UGGT1: variants seen among roughly 807,000 people sequenced by gnomAD.
The protein encoded by UGGT1 is UDP-glucose:glycoprotein glucosyltransferase 1.
Under a neutral mutation model 203.9 loss-of-function variants are expected in UGGT1, and 107 were observed. The observed-to-expected ratio is 0.52, with a 90% CI of 0.45 to 0.62. The LOEUF (loss-of-function observed/expected upper bound fraction) is 0.62, where lower values mean the gene tolerates loss of function less well. Ranked by LOEUF, UGGT1 falls within the 20% of genes least tolerant of loss-of-function variation. The pLI is 0.00. For missense variants in UGGT1, 1,673 were observed against 1,867.2 expected (o/e 0.90, Z 1.92); for synonymous variants, 628 against 653.5 (o/e 0.96, Z 0.59).
chr2:128,183,095 T>G (rs942924627), intron 37 of UGGT1, among the ~76,000 whole-genome samples: 1 of 152,234 alleles, frequency 6.6e-6, no homozygotes, highest in Admixed American at 6.5e-5. Flanking sequence ...ATTTGTGAGA[T>G]AAATTCCTAG....
At chr2:128,100,018 A>ACCACCCC (rs1687295580) in intron 2 of UGGT1, among the ~76,000 whole-genome samples, 1 of 34,914 alleles carries the variant, frequency 2.9e-5, no homozygotes, top group African/African-American at 1.1e-4. Context: ...GAGATTTACA[A>ACCACCCC]CCCCCCCCCC....
intron 18 of UGGT1, among the ~76,000 whole-genome samples, chr2:128,148,288 C>T (rs1170340310): frequency 3.3e-5 from 5 of 152,178 alleles, no homozygotes; most frequent in Non-Finnish European, 7.3e-5. Context: ...AATTTCAGAA[C>T]ATTGGTCTCG....
At chr2:128,161,041 G>C (rs185142749) in intron 24 of UGGT1, 97 bp from the exon 25 acceptor site, 6 of 1,430,386 alleles carry the variant, frequency 4.2e-6, no homozygotes, top group Admixed American at 4.4e-5. Flanking sequence ...ATGTTCTGGC[G>C]TATGAGGTAG....
At chr2:128,100,580 A>ATTT (rs1264351444) in intron 2 of UGGT1, among the ~76,000 whole-genome samples, 4 of 88,356 alleles carry the variant, frequency 4.5e-5, no homozygotes, top group African/African-American at 1.2e-4. Context: ...CTAATTTTGT[A>ATTT]TTTTTTTTTT....
chr2:128,172,499 C>A, intron 28 of UGGT1, 74 bp from the exon 29 acceptor site: 1 of 1,494,634 alleles, frequency 6.7e-7, no homozygotes, highest in Non-Finnish European at 9.2e-7. Flanking sequence ...CCAGTTGTTA[C>A]CTGTGTAAGG....
chr2:128,178,683 A>T, intron 34 of UGGT1, 114 bp downstream of exon 34: 1 of 865,842 alleles, frequency 1.2e-6, no homozygotes, highest in South Asian at 1.7e-5. Context: ...TCTTTGAAGC[A>T]CTCTGAGCAT....
chr2:128,159,342 G>A (rs577932174), intron 22 of UGGT1, among the ~76,000 whole-genome samples, 172 bp from the exon 23 acceptor site: 6 of 152,004 alleles, frequency 3.9e-5, no homozygotes, highest in African/African-American at 9.6e-5. Flanking sequence ...CTCGTGGTCC[G>A]CCCGCTTTGG....
rs1362232137 is a variant in UGGT1, at chr2:128,155,579, CAAA to C, written c.2229_2231del (p.Lys745del). Reference sequence around the variant, plus strand: ...GTAGCCAATAGTATGAACTATCTGACAAAGAAAGGTAATCCATTTGAGGCTTAT... The same window carrying C: ...GTAGCCAATAGTATGAACTATCTGACGAAAGGTAATCCATTTGAGGCTTAT... On this transcript the variant is annotated inframe_deletion, in exon 20 of 41. Coordinates refer to ENST00000259253, the MANE Select transcript of UGGT1 (RefSeq NM_020120.4). The C allele has an allele frequency of 2.5e-6, 4 of 1,609,278 alleles. No individual in the cohort carries two copies. The African/African-American group carries it at 4.0e-5, about 16-fold the overall frequency.
Position 128,103,992 on chromosome 2 carries a change from T to C in UGGT1, c.255T>C (p.Asn85=), listed in dbSNP as rs200465209. The C allele has an allele frequency of 7.5e-5, 120 of 1,591,170 alleles. No individual in the cohort carries two copies. The highest frequency in any genetic ancestry group is 2.4e-4 in the South Asian group (21 of 85,750). Residue 85 remains asparagine (N), a synonymous_variant, in exon 3 of 41, where the codon AAT becomes AAC. Transcript: ENST00000259253. ...GGAATTTTGTAGAAGCCAGTCAAAA[T>C]ATTGGATCATCAGATCATGACGGTA... The part of the protein sequence containing the change: ...KFWNFVEASQ[N]IGSSDHDGTD...
intron 14 of UGGT1, 110 bp downstream of exon 14, chr2:128,133,370 C>A: frequency 7.3e-7 from 1 of 1,370,786 alleles, no homozygotes; most frequent in Non-Finnish European, 1.0e-6. Context: ...GCTTCCTCCC[C>A]CACCCTTCAC....
chr2:128,137,988 T>C (rs1689213323), intron 15 of UGGT1, among the ~76,000 whole-genome samples: 1 of 152,218 alleles, frequency 6.6e-6, no homozygotes, highest in Non-Finnish European at 1.5e-5. Flanking sequence ...TTTTGGCTTT[T>C]CTTTTACCAA....
chr2:128,119,994 C>A (rs1465903686), intron 8 of UGGT1, among the ~76,000 whole-genome samples: 2 of 151,332 alleles, frequency 1.3e-5, no homozygotes, highest in East Asian at 3.9e-4. Flanking sequence ...ACAGGCTGAC[C>A]TGGAACTCCT....
intron 11 of UGGT1, among the ~76,000 whole-genome samples, chr2:128,124,681 C>G (rs1688529218): frequency 2.8e-5 from 2 of 70,892 alleles, no homozygotes; most frequent in South Asian, 6.0e-4. Flanking sequence ...ATTCTTTTCT[C>G]TTTTTCAAAA....
chr2:128,119,355 G>A (rs1271099609), intron 8 of UGGT1, among the ~76,000 whole-genome samples: 1 of 152,002 alleles, frequency 6.6e-6, no homozygotes. Flanking sequence ...ACTTTGGGAG[G>A]CTGAGGCGGG....
At chr2:128,137,279 C>T (rs781556655) in intron 15 of UGGT1, among the ~76,000 whole-genome samples, 4 of 152,250 alleles carry the variant, frequency 2.6e-5, no homozygotes, top group South Asian at 2.1e-4. Flanking sequence ...AGTAGCCAGG[C>T]GTGGTGGCAC....
intron 1 of UGGT1, among the ~76,000 whole-genome samples, chr2:128,095,145 C>T (rs966176426): frequency 6.6e-6 from 1 of 152,086 alleles, no homozygotes; most frequent in African/African-American, 2.4e-5. Context: ...CAGAAAAGGC[C>T]TATATCCTCT....
At chr2:128,153,262 T>C (rs1414254004) in intron 19 of UGGT1, among the ~76,000 whole-genome samples, 2 of 152,152 alleles carry the variant, frequency 1.3e-5, no homozygotes, top group African/African-American at 2.4e-5. Flanking sequence ...CATTCTAGAG[T>C]CAGTCAGCCA....
intron 31 of UGGT1, 83 bp from the exon 32 acceptor site, chr2:128,176,731 A>G: frequency 1.5e-6 from 2 of 1,290,498 alleles, no homozygotes; most frequent in Non-Finnish European, 2.2e-6. Context: ...TATGAGAAGG[A>G]TGATGGACTC....
At chr2:128,165,928 G>A (rs1356287191) in intron 26 of UGGT1, among the ~76,000 whole-genome samples, 1 of 151,950 alleles carries the variant, frequency 6.6e-6, no homozygotes, top group Non-Finnish European at 1.5e-5. Context: ...TGCCTGGCTA[G>A]TTTTTGTATT....
Sources: allele counts gnomAD v4.1 joint callset (sites outside exome capture counted in the v4.1 genomes callset), GRCh38; gene constraint gnomAD v4.1.1; transcripts MANE v1.5; gene names NCBI Gene and HGNC (gene_info 2026-07-23, HGNC 2026-07-21).